The following B3GNT5 variants were observed in gnomAD, a reference collection of about 807,000 sequenced individuals.
B3GNT5 encodes the protein lactosylceramide 1,3-N-acetyl-beta-D-glucosaminyltransferase.
B3GNT5 carries 11 observed loss-of-function variants against 25.9 expected under a neutral mutation model. The observed-to-expected ratio is 0.42, with a 90% CI of 0.27 to 0.70. The LOEUF (loss-of-function observed/expected upper bound fraction) is 0.70. Among genes scored for constraint, B3GNT5 ranks in the 30% least tolerant of loss-of-function variants. B3GNT5 has a pLI of 0.23. For synonymous variants in B3GNT5, 166 were observed against 158.6 expected (o/e 1.05, Z -0.35); for missense variants, 385 against 458.4 (o/e 0.84, Z 1.46).
intron 1 of B3GNT5, among the ~76,000 whole-genome samples, chr3:183,259,180 C>A (rs1012538083): frequency 6.6e-6 from 1 of 152,126 alleles, no homozygotes; most frequent in African/African-American, 2.4e-5. Flanking sequence ...GTATCTTAGT[C>A]AGTTTTTCTG....
At chr3:183,255,031 A>G (rs1188787202) in intron 1 of B3GNT5, among the ~76,000 whole-genome samples, 1 of 152,218 alleles carries the variant, frequency 6.6e-6, no homozygotes, top group African/African-American at 2.4e-5. Context: ...AGGTACACCG[A>G]TGTGGTAACC....
At chr3:183,256,719 A>G (rs1725073921) in intron 1 of B3GNT5, among the ~76,000 whole-genome samples, 1 of 152,202 alleles carries the variant, frequency 6.6e-6, no homozygotes, top group Non-Finnish European at 1.5e-5. Flanking sequence ...ATAGTGCTCT[A>G]AGCAAAGTAA....
At chr3:183,264,699 A>G (rs1011574393) in intron 1 of B3GNT5, among the ~76,000 whole-genome samples, 3 of 152,246 alleles carry the variant, frequency 2.0e-5, no homozygotes, top group African/African-American at 7.2e-5. Context: ...TCACAAAAGT[A>G]GACTCAACAA....
At chr3:183,260,031 C>T (rs73884611) in intron 1 of B3GNT5, among the ~76,000 whole-genome samples, 22,734 of 152,094 alleles carry the variant, frequency 0.15, 3,960 homozygotes, top group African/African-American at 0.42. Flanking sequence ...CCTCCCCTCC[C>T]GATGAGAACT....
chr3:183,257,744 G>C (rs1159142964), intron 1 of B3GNT5, among the ~76,000 whole-genome samples: 1 of 152,118 alleles, frequency 6.6e-6, no homozygotes, highest in African/African-American at 2.4e-5. Context: ...TCGTCATCCT[G>C]TTTCTGAATC....
intron 1 of B3GNT5, among the ~76,000 whole-genome samples, chr3:183,259,157 C>T (rs1056161232): frequency 1.3e-5 from 2 of 152,172 alleles, no homozygotes; most frequent in Non-Finnish European, 2.9e-5. Context: ...CAACATAATG[C>T]AACATTTCAA....
chr3:183,271,006 G>T lies in B3GNT5; in HGVS notation c.*71G>T. ...GGATGAAAAAAACCTTTAAATGTTC[G>T]TCTATACCCTAAGTAAAATGAGGAC... On this transcript the variant is annotated 3_prime_UTR_variant, in exon 2 of 2. Transcript: ENST00000326505. The T allele has an allele frequency of 7.3e-7, 1 of 1,366,312 alleles. No homozygotes were observed. Among genetic ancestry groups the T allele is most frequent in the Non-Finnish European group, 9.9e-7 (1 of 1,012,056 alleles). 84.6% of individuals were successfully genotyped at this position (1,366,312 alleles called of 1,614,324 possible).
chr3:183,272,222 C>T lies in B3GNT5; in HGVS notation c.*1287C>T. On this transcript the variant is annotated 3_prime_UTR_variant, in exon 2 of 2. Transcript: ENST00000326505. ...AGTAAGTTACATTTATTTTACAAAG[C>T]AGGATAAAAATGTGGCTATAATACA... is the stretch of plus-strand genomic sequence containing the variant. 3.0e-6 allele frequency: 3 copies of T among 999,818 alleles called. No homozygotes were observed. Among genetic ancestry groups the T allele is most frequent in the Non-Finnish European group, 3.6e-6 (3 of 829,886 alleles). The allele number at this position is 999,818 out of a possible 1,614,324, so 61.9% of individuals were successfully genotyped here.
Position 183,270,150 on chromosome 3 carries a change from C to T in B3GNT5, c.352C>T (p.Arg118Trp), listed in dbSNP as rs745821925. The T allele has an allele frequency of 2.1e-5, 34 of 1,613,916 alleles. No homozygotes were observed. The highest frequency in any genetic ancestry group is 2.6e-5 in the Non-Finnish European group (31 of 1,180,002). Residue 118 changes from arginine (R) to tryptophan (W), a missense_variant, in exon 2 of 2, where the codon CGG becomes TGG. Coordinates refer to ENST00000326505, the MANE Select transcript of B3GNT5 (RefSeq NM_032047.5). The surrounding 1 kb of genome is among the most constrained non-coding windows in gnomAD (Gnocchi z 4.5). Reference protein sequence around the residue: ...RRTWGNENYVRSQLNANIKTL... With the variant: ...RRTWGNENYVWSQLNANIKTL... ...GACGTGGGGCAATGAAAATTATGTTCGGTCTCAGCTGAATGCCAACATCAA... is the reference window on the plus strand; with the variant it reads ...GACGTGGGGCAATGAAAATTATGTTTGGTCTCAGCTGAATGCCAACATCAA...
At chr3:183,257,811 G>GT (rs1291758588) in intron 1 of B3GNT5, among the ~76,000 whole-genome samples, 2 of 151,536 alleles carry the variant, frequency 1.3e-5, no homozygotes, top group African/African-American at 4.9e-5. Context: ...CCTTTTTTCC[G>GT]TTTTTTCCCT....
chr3:183,262,773 G>A (rs1420680474), intron 1 of B3GNT5, among the ~76,000 whole-genome samples: 3 of 152,100 alleles, frequency 2.0e-5, no homozygotes, highest in Non-Finnish European at 4.4e-5. Context: ...AAGAGACTGG[G>A]AAAGGGAGAA....
chr3:183,258,336 C>A, intron 1 of B3GNT5: 1 of 153,038 alleles, frequency 6.5e-6, no homozygotes. Flanking sequence ...TTCTCCCATC[C>A]AAGTACTAAC....
intron 1 of B3GNT5, 91 bp downstream of exon 1, chr3:183,253,563 G>C (rs996713214): frequency 6.6e-6 from 1 of 152,298 alleles, no homozygotes. Flanking sequence ...CTAGTTTGCT[G>C]TAAGTTTCCT....
chr3:183,253,784 G>T (rs960032487), intron 1 of B3GNT5: 2 of 152,292 alleles, frequency 1.3e-5, no homozygotes, highest in Non-Finnish European at 2.9e-5. Context: ...TCCGCCTCTT[G>T]GCGGAGCGCC....
chr3:183,263,669 C>G (rs1416406124), intron 1 of B3GNT5, among the ~76,000 whole-genome samples: 1 of 152,174 alleles, frequency 6.6e-6, no homozygotes, highest in Non-Finnish European at 1.5e-5. Flanking sequence ...TCCTGTCTAA[C>G]TCGTCTTAGA....
intron 1 of B3GNT5, among the ~76,000 whole-genome samples, chr3:183,263,100 A>G (rs928286722): frequency 6.6e-6 from 1 of 152,124 alleles, no homozygotes; most frequent in Non-Finnish European, 1.5e-5. Context: ...AGTGTACTAT[A>G]GAGTGAGTAT....
chr3:183,257,052 A>G (rs1458286879), intron 1 of B3GNT5, among the ~76,000 whole-genome samples: 1 of 152,224 alleles, frequency 6.6e-6, no homozygotes, highest in Non-Finnish European at 1.5e-5. Context: ...TCTAAAAAGA[A>G]AAAAACCTGA....
In B3GNT5 at chr3:183,273,197, A is replaced by C. The variant is rs910007014; in HGVS notation, c.*2262A>C. On this transcript the variant is annotated 3_prime_UTR_variant, in exon 2 of 2. Coordinates refer to ENST00000326505, the MANE Select transcript of B3GNT5 (RefSeq NM_032047.5). ...TCAGCTTGGATGGTCACTTGAATAG[A>C]AGATGGTTATACACAGTGTTATTGT... is the stretch of plus-strand genomic sequence containing the variant. The C allele has an allele frequency of 1.3e-5, 6 of 467,070 alleles. No individual in the cohort carries two copies. The highest frequency in any genetic ancestry group is 1.0e-4 in the African/African-American group (5 of 49,218). The allele number at this position is 467,070 out of a possible 1,614,324, so 28.9% of individuals were successfully genotyped here.
chr3:183,259,338 TTG>T (rs1236906812), intron 1 of B3GNT5, among the ~76,000 whole-genome samples: 1 of 152,122 alleles, frequency 6.6e-6, no homozygotes, highest in Non-Finnish European at 1.5e-5. Flanking sequence ...TAGTGGCTGT[TTG>T]TAGCATGTTT....
Sources: gnomAD v4.1 joint callset for allele counts (sites outside exome capture counted in the v4.1 genomes callset) on GRCh38, gnomAD v4.1.1 for gene constraint, Gnocchi (gnomAD v3.1) non-coding constraint, MANE v1.5 for transcripts, NCBI Gene and HGNC (gene_info 2026-07-23, HGNC 2026-07-21) for gene names.